Variants in MYH1 observed in about 807,000 individuals in gnomAD.
MYH1 encodes myosin-1.
Under a neutral mutation model 225.6 loss-of-function variants are expected in MYH1, and 214 were observed. The ratio of observed to expected loss-of-function variants is 0.95; its 90% confidence interval spans 0.85 to 1.06. The LOEUF is 1.06. Among genes scored for constraint, MYH1 ranks in the 50% least tolerant of loss-of-function variants. The pLI, the probability that MYH1 is intolerant of heterozygous loss-of-function variation, is 0.00. For synonymous variants in MYH1, 774 were observed against 842.3 expected (o/e 0.92, Z 1.40); for missense variants, 2,098 against 2,344.2 (o/e 0.89, Z 2.17).
Position 10,501,927 on chromosome 17 carries a change from C to A in MYH1, c.3112-16G>T. ...ATCCTTCAAGCTAAAAGTTAATAAT[C>A]CATGAATATGGTTCTTAGAATGGTA... On this transcript the variant is annotated splice_polypyrimidine_tract_variant and intron_variant, in intron 24 of 39. Coordinates refer to ENST00000226207, the MANE Select transcript of MYH1 (RefSeq NM_005963.4). 1 of 1,595,300 alleles carries A rather than the reference C, an allele frequency of 6.3e-7. No homozygotes were observed.
intron 14 of MYH1, among the ~76,000 whole-genome samples, chr17:10,511,242 G>T (rs550736122): frequency 6.6e-6 from 1 of 151,336 alleles, no homozygotes; most frequent in East Asian, 1.9e-4. Context: ...TGTGTAGCAG[G>T]TATTCTTCCT....
Position 10,495,247 on chromosome 17 carries a change from T to A in MYH1, c.5240A>T (p.Asp1747Val), listed in dbSNP as rs770242183. The A allele has an allele frequency of 8.7e-6, 14 of 1,614,120 alleles. No homozygotes were observed. The African/African-American group carries it at 1.5e-4, about 17-fold the overall frequency. The change falls in exon 36 of 40, where the codon GAC (aspartate) becomes GTC (valine). Residue 1747 changes from aspartate (D) to valine (V), a missense_variant. Transcript: ENST00000226207. ...TGCATTGCGGGCTTCCTGGATGATG[T>A]CTTCCATCTCTCCCTGGATTTGGGA... Reference protein sequence around the residue: ...DISQIQGEMEDIIQEARNAEE... With the variant: ...DISQIQGEMEVIIQEARNAEE...
chr17:10,505,948 A>C lies in MYH1; in HGVS notation c.2057-19T>G. On this transcript the variant is annotated intron_variant, in intron 18 of 39. Transcript: ENST00000226207. ...ATGGCACCTAAAAGAATGAATCCAC[A>C]TGCCATACTTCGTGGTCTATCACAC... 2 of 1,614,172 alleles carry C rather than the reference A, an allele frequency of 1.2e-6. No individual in the cohort carries two copies. Among genetic ancestry groups the C allele is most frequent in the Non-Finnish European group, 1.7e-6 (2 of 1,180,036 alleles).
chr17:10,504,735 T>A, intron 22 of MYH1, 75 bp downstream of exon 22: 1 of 1,518,436 alleles, frequency 6.6e-7, no homozygotes, highest in Non-Finnish European at 9.0e-7. Flanking sequence ...TTTGGTAGAA[T>A]CTAGATCTCT....
chr17:10,496,481 C>T lies in MYH1; in HGVS notation c.4725G>A (p.Glu1575=). ...IQLELNQVKS[E]VDRKIAEKDE... The stretch of plus-strand genomic sequence containing the variant: ...CTTTTTCAGCAATTTTCCTATCAAC[C>T]TCAGACTTGACTTGGTTCAACTCAA... Residue 1575 remains glutamate (E), a synonymous_variant, in exon 34 of 40, where the codon GAG becomes GAA. Coordinates refer to ENST00000226207, the MANE Select transcript of MYH1 (RefSeq NM_005963.4). 4 of 1,614,082 alleles carry T rather than the reference C, an allele frequency of 2.5e-6. No homozygotes were observed. The highest frequency in any genetic ancestry group is 3.4e-6 in the Non-Finnish European group (4 of 1,180,004).
At chr17:10,505,988 G>C in intron 18 of MYH1, 24 bp downstream of exon 18, 5 of 1,614,106 alleles carry the variant, frequency 3.1e-6, no homozygotes, top group Non-Finnish European at 4.2e-6. Context: ...ACTGGAGCTT[G>C]TCTGGATATC....
Position 10,494,817 on chromosome 17 carries a change from G to A in MYH1, c.5466+114C>T, listed in dbSNP as rs1235275389. The A allele has an allele frequency of 3.1e-6, 5 of 1,595,856 alleles. No individual in the cohort carries two copies. The East Asian group carries it at 6.7e-5, about 21-fold the overall frequency. On this transcript the variant is annotated intron_variant, in intron 37 of 39. Coordinates refer to ENST00000226207, the MANE Select transcript of MYH1 (RefSeq NM_005963.4). ...CCTTATTATGAGCTTTTGGGCATGA[G>A]GGAATAGCTCTCCCTCATCTCAGTA...
intron 19 of MYH1, 73 bp downstream of exon 19, chr17:10,505,739 G>T: frequency 1.3e-6 from 2 of 1,581,646 alleles, no homozygotes. Flanking sequence ...GAGGTATAAA[G>T]GATTCTTTCA....
intron 22 of MYH1, among the ~76,000 whole-genome samples, chr17:10,504,552 C>T (rs1342919124): frequency 6.6e-6 from 1 of 152,188 alleles, no homozygotes; most frequent in Non-Finnish European, 1.5e-5. Context: ...CACTTTATTT[C>T]CTGTTCACAT....
intron 39 of MYH1, 117 bp downstream of exon 39, chr17:10,494,237 G>T: frequency 1.0e-6 from 1 of 996,312 alleles, no homozygotes; most frequent in Non-Finnish European, 1.5e-6. Flanking sequence ...GGACCTCCAT[G>T]TAGCCATTTG....
At chr17:10,504,737 T>C in intron 22 of MYH1, 73 bp downstream of exon 22, 1 of 1,527,590 alleles carries the variant, frequency 6.5e-7, no homozygotes. Context: ...TGGTAGAATC[T>C]AGATCTCTCC....
chr17:10,508,018 G>GTTTTTTTTTTTTTT, intron 16 of MYH1, 62 bp from the exon 17 acceptor site: 5 of 1,172,472 alleles, frequency 4.3e-6, no homozygotes, highest in South Asian at 2.8e-5. Context: ...TTTTTTTTTT[G>GTTTTTTTTTTTTTT]TTTTTTTTTG....
At position 10,505,171 on chromosome 17, in the gene MYH1, C is replaced by T. The variant is rs980656217; in HGVS notation, c.2427G>A (p.Val809=). 3.1e-6 allele frequency: 5 copies of T among 1,614,058 alleles called. No homozygotes were observed. The highest frequency in any genetic ancestry group is 4.2e-6 in the Non-Finnish European group (5 of 1,180,002). Residue 809 remains valine (V), a synonymous_variant, in exon 21 of 40, where the codon GTG becomes GTA. Coordinates refer to ENST00000226207, the MANE Select transcript of MYH1 (RefSeq NM_005963.4). Reference sequence around the variant, plus strand: ...AGAATTCTTATTAATACCTTCTTTCCACCATTTTCTGGTACTCCACTCTTG... The same window carrying T: ...AGAATTCTTATTAATACCTTCTTTCTACCATTTTCTGGTACTCCACTCTTG... ...FLARVEYQKM[V]ERRESIFCIQ...
chr17:10,516,393 C>T (rs752075213), intron 3 of MYH1, 46 bp downstream of exon 3: 2 of 1,614,154 alleles, frequency 1.2e-6, no homozygotes, highest in South Asian at 2.2e-5. Context: ...GCTAACTTAA[C>T]CCAAAATGAG....
intron 35 of MYH1, among the ~76,000 whole-genome samples, chr17:10,495,685 C>T (rs2072982374): frequency 7.3e-6 from 1 of 136,652 alleles, no homozygotes. Flanking sequence ...GGCGTGAGCC[C>T]GGGAGGTGGA....
chr17:10,517,533 G>A (rs1487162365), intron 2 of MYH1, among the ~76,000 whole-genome samples: 1 of 152,072 alleles, frequency 6.6e-6, no homozygotes, highest in Non-Finnish European at 1.5e-5. Flanking sequence ...CATTAATGCT[G>A]TCAATAATCT....
At chr17:10,510,993 G>A (rs1185403118) in intron 14 of MYH1, among the ~76,000 whole-genome samples, 1 of 150,556 alleles carries the variant, frequency 6.6e-6, no homozygotes, top group Non-Finnish European at 1.5e-5. Context: ...CAAGTACCCT[G>A]TCATTAGTTC....
intron 36 of MYH1, 30 bp from the exon 37 acceptor site, chr17:10,495,131 G>A: frequency 3.1e-6 from 5 of 1,614,158 alleles, no homozygotes; most frequent in Non-Finnish European, 3.4e-6. Flanking sequence ...AATGGGTTAA[G>A]ACAGCTAAGA....
In MYH1 at chr17:10,512,454, G is replaced by T; in HGVS notation, c.1101C>A (p.Phe367Leu). Residue 367 changes from phenylalanine to leucine, a missense_variant, in exon 12 of 40, where the codon TTC (phenylalanine) becomes TTA (leucine). Phe to Leu is a conservative substitution (Grantham distance 22, BLOSUM62 0). Transcript: ENST00000226207. The stretch of plus-strand genomic sequence containing the variant: ...CTTGCTCCTCACGCTGCTTTTGCTT[G>T]AATTTCATGTTCCCATAATGCATCA... ...GAVMHYGNMK[F>L]KQKQREEQAE... 1 of 1,614,092 alleles carries T rather than the reference G, an allele frequency of 6.2e-7. No homozygotes were observed.
Sources: gnomAD v4.1 joint callset for allele counts (sites outside exome capture counted in the v4.1 genomes callset) on GRCh38, gnomAD v4.1.1 for gene constraint, MANE v1.5 for transcripts, NCBI Gene and HGNC (gene_info 2026-07-23, HGNC 2026-07-21) for gene names.